The following ZNF286A variants were observed in gnomAD, a reference collection of about 807,000 sequenced individuals.
ZNF286A encodes the protein zinc finger protein 286A, also known as zinc finger protein ZNF286.
A neutral mutation model predicts 49.3 loss-of-function variants in ZNF286A; 34 were observed. That is an observed-to-expected ratio of 0.69 (90% CI 0.52 to 0.92). The LOEUF is 0.92. Among genes scored for constraint, ZNF286A ranks in the 40% least tolerant of loss-of-function variants. The pLI, the probability that ZNF286A is intolerant of heterozygous loss-of-function variation, is 0.00. For missense variants in ZNF286A, 462 were observed against 600.2 expected (o/e 0.77, Z 2.41); for synonymous variants, 155 against 200.4 (o/e 0.77, Z 1.91).
intron 5 of ZNF286A, among the ~76,000 whole-genome samples, chr17:15,713,603 A>C (rs1966883107): frequency 6.6e-6 from 1 of 151,874 alleles, no homozygotes; most frequent in South Asian, 2.1e-4. Flanking sequence ...GTAGAATCTG[A>C]AACCACATCC....
At chr17:15,703,257 A>C (rs1173681041) in intron 3 of ZNF286A, among the ~76,000 whole-genome samples, 3 of 151,140 alleles carry the variant, frequency 2.0e-5, no homozygotes, top group Non-Finnish European at 4.5e-5. Context: ...CACTGGTACC[A>C]GAAGCGTGAA....
chr17:15,712,640 A>T (rs1412977180), intron 5 of ZNF286A, among the ~76,000 whole-genome samples: 4 of 152,134 alleles, frequency 2.6e-5, no homozygotes, highest in African/African-American at 9.7e-5. Flanking sequence ...ATTATATTCT[A>T]AGTATTTCTT....
In ZNF286A at chr17:15,709,479, G is replaced by T. The variant is rs566844865; in HGVS notation, c.334+1232G>T. ...TGCACTCCAGCCTGGGTGACAGAGG[G>T]AGACTGTGTCTCAAAAAAAAAACAA... On this transcript the variant is annotated intron_variant, in intron 5 of 5. Transcript: ENST00000583566. 3.3e-5 allele frequency among the ~76,000 whole-genome samples: 5 copies of T among 151,970 alleles called. No homozygotes were observed. The East Asian group carries it at 9.7e-4, about 29-fold the overall frequency.
intron 4 of ZNF286A, among the ~76,000 whole-genome samples, chr17:15,707,467 TC>T (rs1210604669): frequency 6.6e-6 from 1 of 151,552 alleles, no homozygotes; most frequent in Non-Finnish European, 1.5e-5. Flanking sequence ...GAAAGTGACT[TC>T]TAATAACTGA....
chr17:15,716,431 C>T lies in ZNF286A; in HGVS notation c.707C>T (p.Thr236Ile), dbSNP rs1335609512. ...QKSNLMKKQR[T>I]YKEKKPHKCN... ...TCAAACTTAATGAAAAAGCAGAGAA[C>T]TTATAAAGAGAAAAAACCTCATAAA... The change falls in exon 6 of 6, where the codon ACT (threonine) becomes ATT (isoleucine). Residue 236 changes from threonine (T) to isoleucine (I), a missense_variant. This residue lies in a region of ZNF286A where 259 missense variants were observed against 272.2 expected (regional missense o/e 0.95). Transcript: ENST00000583566. The T allele has an allele frequency of 9.9e-6, 16 of 1,613,110 alleles. No individual in the cohort carries two copies. The highest frequency in any genetic ancestry group is 1.4e-5 in the Non-Finnish European group (16 of 1,179,762).
In ZNF286A at chr17:15,717,263, AAG is replaced by A. The variant is rs762227168; in HGVS notation, c.1542_1543del (p.Arg514SerfsTer4). The A allele has an allele frequency of 1.2e-6, 2 of 1,602,906 alleles. No individual in the cohort carries two copies. Among genetic ancestry groups the A allele is most frequent in the African/African-American group, 2.7e-5 (2 of 74,016 alleles). On this transcript the variant is annotated frameshift_variant, in exon 6 of 6. Transcript: ENST00000583566. LOFTEE classifies it high-confidence loss of function. ...GCAGTTCATCTCTCATCAGACATCAAAGAGTTCACACTGAAGAGCAACCCTGA... is the reference window on the plus strand; with the variant it reads ...GCAGTTCATCTCTCATCAGACATCAAAGTTCACACTGAAGAGCAACCCTGA... ...KCSSSLIRHQ[R>X]VHTEEQP
At chr17:15,704,702 C>G in intron 3 of ZNF286A, 1 of 1,613,758 alleles carries the variant, frequency 6.2e-7, no homozygotes, top group Non-Finnish European at 8.5e-7. Flanking sequence ...AAGTCCTTCC[C>G]CAGCAGGAGT....
intron 3 of ZNF286A, chr17:15,704,816 C>T (rs1220680381): frequency 8.7e-6 from 14 of 1,613,628 alleles, no homozygotes; most frequent in East Asian, 2.2e-5. Context: ...TTGATGCCAT[C>T]GGGTGGGTCT....
chr17:15,716,781 C>T lies in ZNF286A; in HGVS notation c.1057C>T (p.Pro353Ser), dbSNP rs1373308304. ...TCAGTTGATTCATACTGGAGTGAAG[C>T]CTTATGAATGTAATGAATGTGATAA... ...QHQLIHTGVK[P>S]YECNECDKAF... Residue 353 changes from proline to serine, a missense_variant, in exon 6 of 6, where the codon CCT (proline) becomes TCT (serine). Pro to Ser is a moderately conservative substitution (Grantham distance 74, BLOSUM62 -1). Around this residue, in one of 3 missense-constraint regions of ZNF286A, gnomAD observed 201 missense variants for 311.3 expected, o/e 0.65. Transcript: ENST00000583566. 1 of 1,613,916 alleles carries T rather than the reference C, an allele frequency of 6.2e-7. No homozygotes were observed. Among genetic ancestry groups the T allele is most frequent in the Non-Finnish European group, 8.5e-7 (1 of 1,179,854 alleles).
intron 3 of ZNF286A, among the ~76,000 whole-genome samples, chr17:15,703,725 A>T (rs1207854452): frequency 1.3e-5 from 2 of 151,794 alleles, no homozygotes; most frequent in Non-Finnish European, 3.0e-5. Context: ...GTGGCTTTTT[A>T]AAAAAACCTT....
chr17:15,704,738 A>T (rs1425378518), intron 3 of ZNF286A: 1 of 1,613,820 alleles, frequency 6.2e-7, no homozygotes, highest in Non-Finnish European at 8.5e-7. Context: ...CCTCCAGCAT[A>T]TGGGGTCCCT....
chr17:15,713,372 T>C (rs1161419484), intron 5 of ZNF286A, among the ~76,000 whole-genome samples: 1 of 152,274 alleles, frequency 6.6e-6, no homozygotes, highest in Admixed American at 6.5e-5. Context: ...CTTTAATGTA[T>C]GACATTATAG....
At position 15,716,100 on chromosome 17, in the gene ZNF286A, C is replaced by T. The variant is rs1967034193; in HGVS notation, c.376C>T (p.Gln126Ter). 1.2e-6 allele frequency: 2 copies of T among 1,613,714 alleles called. No individual in the cohort carries two copies. The highest frequency in any genetic ancestry group is 3.3e-5 in the Admixed American group (2 of 59,996). Reference sequence around the variant, plus strand: ...ACAGAGCAAGGATTCAACTTCAGTGCAAGATTTTTCCAAAGCAGAATCATG... The same window carrying T: ...ACAGAGCAAGGATTCAACTTCAGTGTAAGATTTTTCCAAAGCAGAATCATG... ...RPQSKDSTSV[Q>*]DFSKAESCKV... is the part of the protein sequence containing the mutation. The change falls in exon 6 of 6, where the codon CAA becomes TAA. Residue 126 changes from glutamine (Q) to a stop codon, truncating the protein, a stop_gained. Transcript: ENST00000583566. LOFTEE classifies it high-confidence loss of function.
At position 15,718,756 on chromosome 17, in the gene ZNF286A, T is replaced by A. The variant is rs1468863202; in HGVS notation, c.*1466T>A. 1 of 149,222 alleles carries A rather than the reference T, an allele frequency of 6.7e-6. No individual in the cohort carries two copies. The highest frequency in any genetic ancestry group is 1.5e-5 in the Non-Finnish European group (1 of 67,782). 9.2% of individuals were successfully genotyped at this position (149,222 alleles called of 1,614,324 possible). A position where few individuals can be genotyped will look rare whatever the true frequency, so the allele number is the denominator to read the frequency against. ...TGTCTGTATCGGTTCAATCTCACAC[T>A]GCTATAAAGAAATGCCTGAGACTGG... On this transcript the variant is annotated 3_prime_UTR_variant, in exon 6 of 6. Coordinates refer to ENST00000583566, the MANE Select transcript of ZNF286A (RefSeq NM_001130842.2).
At chr17:15,713,038 C>T (rs769930871) in intron 5 of ZNF286A, among the ~76,000 whole-genome samples, 16 of 152,112 alleles carry the variant, frequency 1.1e-4, no homozygotes, top group Non-Finnish European at 1.8e-4. Context: ...GTTACATCTA[C>T]CAATAGTTAC....
rs576807917 is a variant in ZNF286A at position 15,701,007 on chromosome 17, C to T, written c.38-145C>T. The T allele has an allele frequency of 1.4e-4, 81 of 589,092 alleles. No homozygotes were observed. The African/African-American group carries it at 1.4e-3, about 10-fold the overall frequency. The allele number at this position is 589,092 out of a possible 1,614,324, so 36.5% of individuals were successfully genotyped here. A position where few individuals can be genotyped will look rare whatever the true frequency, so the allele number is the denominator to read the frequency against. On this transcript the variant is annotated intron_variant, in intron 2 of 5. Coordinates refer to ENST00000583566, the MANE Select transcript of ZNF286A (RefSeq NM_001130842.2). ...TCCCGCATATCCCGGGAAGAGGGTC[C>T]TGGGAGGAGGTCGGTTGTTTTGGGG...
At chr17:15,713,189 G>C (rs1203343247) in intron 5 of ZNF286A, among the ~76,000 whole-genome samples, 1 of 152,128 alleles carries the variant, frequency 6.6e-6, no homozygotes, top group Non-Finnish European at 1.5e-5. Context: ...CCAGGAGTTA[G>C]AGACCAGCCT....
intron 5 of ZNF286A, among the ~76,000 whole-genome samples, chr17:15,714,371 G>T (rs1966916378): frequency 6.6e-6 from 1 of 152,044 alleles, no homozygotes. Flanking sequence ...AAGCAGTTTT[G>T]AACTTATAGT....
chr17:15,715,087 A>G (rs1331550971), intron 5 of ZNF286A, among the ~76,000 whole-genome samples: 2 of 152,076 alleles, frequency 1.3e-5, no homozygotes, highest in Admixed American at 6.5e-5. Context: ...TATATTGGAT[A>G]TAAAAATTCT....
Sources: gnomAD v4.1 joint callset for allele counts (sites outside exome capture counted in the v4.1 genomes callset) on GRCh38, gnomAD v4.1.1 for gene constraint, gnomAD v4.1.1 regional missense constraint, MANE v1.5 for transcripts, NCBI Gene and HGNC (gene_info 2026-07-23, HGNC 2026-07-21) for gene names.